The following POMT2 variants were observed in gnomAD, a reference collection of about 807,000 sequenced individuals.
The protein encoded by POMT2 is protein O-mannosyltransferase 2.
In POMT2, 75 loss-of-function variants were observed where a neutral mutation model predicts 100.0. That is an observed-to-expected ratio of 0.75 (90% CI 0.62 to 0.91). The LOEUF is 0.91. Ranked by LOEUF, POMT2 falls within the 40% of genes least tolerant of loss-of-function variation. The pLI, the probability that POMT2 is intolerant of heterozygous loss-of-function variation, is 0.00. For synonymous variants in POMT2, 378 were observed against 374.1 expected, an observed-to-expected ratio of 1.01 and a Z score of -0.12; for missense variants, 940 against 955.1, an observed-to-expected ratio of 0.98 and a Z score of 0.21.
At chr14:77,312,633 C>CA (rs1402702646) in intron 1 of POMT2, 17 of 148,778 alleles carry the variant, frequency 1.1e-4, no homozygotes, top group African/African-American at 4.2e-4. Flanking sequence ...GCCTAGGCGA[C>CA]AGAGTGAGAC....
At position 77,320,830 on chromosome 14, in the gene POMT2, G is replaced by C; in HGVS notation, c.-149C>G. The C allele has an allele frequency of 7.3e-7, 1 of 1,364,408 alleles. No individual in the cohort carries two copies. The highest frequency in any genetic ancestry group is 1.7e-5 in the South Asian group (1 of 58,964). The allele number at this position is 1,364,408 out of a possible 1,614,324, so 84.5% of individuals were successfully genotyped here. On this transcript the variant is annotated 5_prime_UTR_variant, in exon 1 of 21. Transcript: ENST00000261534. ...CGGAGCGCGGGGCCCCGGGCTCGGG[G>C]CGGGGCGGGCAGCGTGGTCGCGGCC... is the stretch of plus-strand genomic sequence containing the variant.
intron 1 of POMT2, 61 bp downstream of exon 1, chr14:77,320,373 T>C: frequency 6.5e-7 from 1 of 1,541,302 alleles, no homozygotes; most frequent in Non-Finnish European, 8.7e-7. Flanking sequence ...CTCGGGCCAA[T>C]CAGAGGGCGG....
intron 1 of POMT2, among the ~76,000 whole-genome samples, chr14:77,316,968 C>T (rs1311326789): frequency 6.6e-6 from 1 of 152,206 alleles, no homozygotes; most frequent in Non-Finnish European, 1.5e-5. Context: ...TAGGTGCCCA[C>T]ACTAAGGGCA....
chr14:77,320,370 C>A, intron 1 of POMT2, 64 bp downstream of exon 1: 1 of 1,541,108 alleles, frequency 6.5e-7, no homozygotes, highest in South Asian at 1.2e-5. Context: ...ACCCTCGGGC[C>A]AATCAGAGGG....
intron 14 of POMT2, among the ~76,000 whole-genome samples, 172 bp downstream of exon 14, chr14:77,284,778 A>G (rs1890358763): frequency 6.6e-6 from 1 of 152,202 alleles, no homozygotes; most frequent in South Asian, 2.1e-4. Flanking sequence ...GATGAGAAGG[A>G]AAAGGAGTAT....
chr14:77,285,386 T>A (rs3815625), intron 13 of POMT2, 95 bp downstream of exon 13: 1 of 1,521,338 alleles, frequency 6.6e-7, no homozygotes, highest in South Asian at 1.2e-5. Context: ...AGACAGCAGG[T>A]GAACACAGGA....
chr14:77,298,556 A>C, intron 8 of POMT2, 133 bp downstream of exon 8: 1 of 916,896 alleles, frequency 1.1e-6, no homozygotes, highest in Admixed American at 2.0e-5. Flanking sequence ...TTTTCACCAG[A>C]TCTATCTGGG....
At chr14:77,312,298 T>A (rs535331163) in intron 1 of POMT2, 6 of 378,436 alleles carry the variant, frequency 1.6e-5, no homozygotes, top group Non-Finnish European at 2.9e-5. Flanking sequence ...ATATACTTAC[T>A]CTGTATCTTG....
chr14:77,277,182 G>A lies in POMT2; in HGVS notation c.*194C>T. The A allele has an allele frequency of 1.6e-6, 1 of 617,390 alleles. No homozygotes were observed. Among genetic ancestry groups the A allele is most frequent in the Non-Finnish European group, 2.9e-6 (1 of 340,048 alleles). The allele number at this position is 617,390 out of a possible 1,614,324, so 38.2% of individuals were successfully genotyped here. On this transcript the variant is annotated 3_prime_UTR_variant, in exon 21 of 21. Transcript: ENST00000261534. ...TGTCCTCTCCGTGGTGCTGTGGACGGAGCTGCGGCTCTCTCCCGGCTCTCT... is the reference window on the plus strand; with the variant it reads ...TGTCCTCTCCGTGGTGCTGTGGACGAAGCTGCGGCTCTCTCCCGGCTCTCT...
At chr14:77,279,694 C>T (rs1369424067) in intron 18 of POMT2, 129 bp downstream of exon 18, 2 of 941,170 alleles carry the variant, frequency 2.1e-6, no homozygotes, top group Non-Finnish European at 3.3e-6. Context: ...CTTTCAAAAG[C>T]AAAGGATAAG....
chr14:77,305,620 TG>T (rs1167688508), intron 3 of POMT2, among the ~76,000 whole-genome samples: 1 of 152,246 alleles, frequency 6.6e-6, no homozygotes, highest in Non-Finnish European at 1.5e-5. Flanking sequence ...TTTATTTAAA[TG>T]CTGTGAAATC....
At chr14:77,312,172 T>G (rs1046840535) in intron 1 of POMT2, 139 bp from the exon 2 acceptor site, 3 of 1,380,586 alleles carry the variant, frequency 2.2e-6, no homozygotes, top group Admixed American at 2.8e-5. Flanking sequence ...AAAAAAATAT[T>G]TTGACACAAG....
chr14:77,312,315 T>A (rs1477993624), intron 1 of POMT2: 1 of 322,754 alleles, frequency 3.1e-6, no homozygotes, highest in African/African-American at 2.2e-5. Context: ...CTTGAGTTTC[T>A]ATTTATTTTA....
chr14:77,320,309 T>C, intron 1 of POMT2, 125 bp downstream of exon 1: 5 of 1,502,232 alleles, frequency 3.3e-6, no homozygotes, highest in Non-Finnish European at 4.5e-6. Flanking sequence ...ACCCGATACC[T>C]CAAGTTCCCC....
rs1048633441 is a variant in POMT2 at position 77,301,143 on chromosome 14, G to C, written c.763C>G (p.Leu255Val). The C allele has an allele frequency of 1.9e-6, 3 of 1,614,224 alleles. No homozygotes were observed. Among genetic ancestry groups the C allele is most frequent in the Non-Finnish European group, 2.5e-6 (3 of 1,180,048 alleles). Reference sequence around the variant, plus strand: ...TACCAAAGGTCTGCAATGGTGTTCAGCCCCACTTGAAGGATGATAAAGAGG... The same window carrying C: ...TACCAAAGGTCTGCAATGGTGTTCACCCCCACTTGAAGGATGATAAAGAGG... ...VGLFIILQVG[L>V]NTIADLWYLF... is the part of the protein sequence containing the mutation. Residue 255 changes from leucine (L) to valine (V), a missense_variant, in exon 6 of 21, where the codon CTG (leucine) becomes GTG (valine). Coordinates refer to ENST00000261534, the MANE Select transcript of POMT2 (RefSeq NM_013382.7).
At chr14:77,318,091 G>C (rs1472199157) in intron 1 of POMT2, among the ~76,000 whole-genome samples, 1 of 152,218 alleles carries the variant, frequency 6.6e-6, no homozygotes, top group East Asian at 1.9e-4. Flanking sequence ...CACTCATTAT[G>C]TAGCAATGGA....
In POMT2 at chr14:77,282,108, G is replaced by A. The variant is rs118043576; in HGVS notation, c.1654-1645C>T. 1.9e-3 allele frequency among the ~76,000 whole-genome samples: 284 copies of A among 152,268 alleles called. 1 individual carries two copies. In the East Asian group the frequency reaches 0.02, roughly 11 times the overall value. On this transcript the variant is annotated intron_variant, in intron 15 of 20. Transcript: ENST00000261534. ...GGAATGAATCATTCTGGACCCCTGC[G>A]GCAGTTGCTGAGGGAAACCAATTCC...
At chr14:77,279,162 A>AC (rs1465374523) in intron 18 of POMT2, 2 of 490,392 alleles carry the variant, frequency 4.1e-6, no homozygotes, top group Non-Finnish European at 7.5e-6. Context: ...TTCACTCCCT[A>AC]CTTCCACCTC....
intron 18 of POMT2, 89 bp downstream of exon 18, chr14:77,279,734 T>C: frequency 7.7e-7 from 1 of 1,293,162 alleles, no homozygotes; most frequent in Non-Finnish European, 1.1e-6. Flanking sequence ...ACGCAAAGGA[T>C]GGCCCATCAG....
Sources: gnomAD v4.1 joint callset for allele counts (sites outside exome capture counted in the v4.1 genomes callset) on GRCh38, gnomAD v4.1.1 for gene constraint, MANE v1.5 for transcripts, NCBI Gene and HGNC (gene_info 2026-07-23, HGNC 2026-07-21) for gene names.